KANSL3: variants seen among roughly 807,000 people sequenced by gnomAD.
KANSL3 encodes the protein KAT8 regulatory NSL complex subunit 3.
In KANSL3, 16 loss-of-function variants were observed where a neutral mutation model predicts 89.2. That is an observed-to-expected ratio of 0.18 (90% CI 0.12 to 0.27). KANSL3 has a LOEUF of 0.27. Ranked by LOEUF, KANSL3 falls within the 10% of genes least tolerant of loss-of-function variation. The pLI, the probability that KANSL3 is intolerant of heterozygous loss-of-function variation, is 1.00. For synonymous variants in KANSL3, 385 were observed against 419.7 expected, an observed-to-expected ratio of 0.92 and a Z score of 1.01; for missense variants, 879 against 1,110.6, an observed-to-expected ratio of 0.79 and a Z score of 2.96.
At chr2:96,599,947 A>C (rs2066947390) in intron 20 of KANSL3, among the ~76,000 whole-genome samples, 1 of 152,214 alleles carries the variant, frequency 6.6e-6, no homozygotes, top group South Asian at 2.1e-4. Flanking sequence ...TTAGAGGTAC[A>C]CATCCTCTAC....
chr2:96,611,866 A>G (rs889848017), intron 9 of KANSL3, among the ~76,000 whole-genome samples: 1 of 145,490 alleles, frequency 6.9e-6, no homozygotes, highest in Admixed American at 6.8e-5. Context: ...AGAGAAAAAA[A>G]GGGATCTTTT....
At chr2:96,612,782 C>T in intron 7 of KANSL3, 36 bp downstream of exon 7, 1 of 1,474,456 alleles carries the variant, frequency 6.8e-7, no homozygotes, top group Non-Finnish European at 9.3e-7. Flanking sequence ...ACTATATTCC[C>T]TGCCAGGAAG....
intron 17 of KANSL3, 21 bp from the exon 18 acceptor site, chr2:96,602,883 A>G (rs750744284): frequency 6.2e-7 from 1 of 1,608,890 alleles, no homozygotes; most frequent in South Asian, 1.1e-5. Context: ...ACATAGCAGG[A>G]ATCAGTAGAG....
the KANSL3 span, among the ~76,000 whole-genome samples, chr2:96,588,040 C>CT: frequency 6.6e-6 from 1 of 152,000 alleles, no homozygotes; most frequent in South Asian, 2.1e-4. Context: ...ATCTAATAGT[C>CT]ATGCCACTGG....
intron 7 of KANSL3, 57 bp from the exon 8 acceptor site, chr2:96,612,620 C>A: frequency 6.9e-7 from 1 of 1,458,432 alleles, no homozygotes; most frequent in South Asian, 1.2e-5. Flanking sequence ...TCTTTCAATT[C>A]TGTTTAACCT....
chr2:96,580,810 C>G, the KANSL3 span, among the ~76,000 whole-genome samples: 2 of 152,210 alleles, frequency 1.3e-5, no homozygotes, highest in Non-Finnish European at 2.9e-5. Flanking sequence ...ACAGTGGGCT[C>G]CACAGGAGGT....
chr2:96,603,226 G>A (rs1179147414), intron 17 of KANSL3: 3 of 179,254 alleles, frequency 1.7e-5, no homozygotes, highest in Non-Finnish European at 3.5e-5. Context: ...AATCAAAGCA[G>A]TAAGGAAGTA....
rs35960339 is a variant in KANSL3, at chr2:96,615,165, C to CAA, written c.664-1548_664-1547dup. 7.7e-3 allele frequency: 641 copies of CAA among 82,860 alleles called. 13 individuals carry two copies. Among genetic ancestry groups the CAA allele is most frequent in the Admixed American group, 9.7e-3 (66 of 6,800 alleles). The allele number at this position is 82,860 out of a possible 1,614,324, so 5.1% of individuals were successfully genotyped here. A position where few individuals can be genotyped will look rare whatever the true frequency, so the allele number is the denominator to read the frequency against. On this transcript the variant is annotated intron_variant, in intron 5 of 20. Coordinates refer to ENST00000431828, the MANE Select transcript of KANSL3 (RefSeq NM_001115016.3). ...CCTGGGAAACAGAGGGAGACTGTCTCAAAAAAAAAAAAAAAAAAAAAAAGA... is the reference window on the plus strand; with the variant it reads ...CCTGGGAAACAGAGGGAGACTGTCTCAAAAAAAAAAAAAAAAAAAAAAAAAGA...
At chr2:96,611,430 A>G (rs2068921785) in intron 9 of KANSL3, among the ~76,000 whole-genome samples, 1 of 152,216 alleles carries the variant, frequency 6.6e-6, no homozygotes, top group Admixed American at 6.5e-5. Context: ...CCCCTCAACT[A>G]GAGCCCTCCT....
chr2:96,622,369 G>C (rs1172554114), intron 3 of KANSL3, among the ~76,000 whole-genome samples: 1 of 150,566 alleles, frequency 6.6e-6, no homozygotes, highest in Non-Finnish European at 1.5e-5. Context: ...CTGTAGTGAG[G>C]TATGATCATG....
At chr2:96,604,701 T>G in intron 16 of KANSL3, 78 bp downstream of exon 16, 2 of 1,284,296 alleles carry the variant, frequency 1.6e-6, no homozygotes. Context: ...AATCCATCAT[T>G]TTCCAAAGCA....
At chr2:96,635,985 C>T (rs1341513934) in intron 2 of KANSL3, among the ~76,000 whole-genome samples, 3 of 143,222 alleles carry the variant, frequency 2.1e-5, no homozygotes, top group East Asian at 4.4e-4. Context: ...CAGAGCAAGA[C>T]TCCATCTCAA....
chr2:96,612,367 GA>G lies in KANSL3; in HGVS notation c.1015-15del. On this transcript the variant is annotated splice_polypyrimidine_tract_variant and intron_variant, in intron 8 of 20. Coordinates refer to ENST00000431828, the MANE Select transcript of KANSL3 (RefSeq NM_001115016.3). Reference sequence around the variant, plus strand: ...ATGGCTGTGAATCTTCATGGGAAGAGAAAGAAGACAGTAAGACAGGAGGCCA... The same window carrying G: ...ATGGCTGTGAATCTTCATGGGAAGAGAAGAAGACAGTAAGACAGGAGGCCA... 1 of 1,612,412 alleles carries G rather than the reference GA, an allele frequency of 6.2e-7. No homozygotes were observed. Among genetic ancestry groups the G allele is most frequent in the Admixed American group, 1.7e-5 (1 of 60,018 alleles).
chr2:96,590,036 T>C (rs2066261898), downstream of KANSL3, among the ~76,000 whole-genome samples: 1 of 151,268 alleles, frequency 6.6e-6, no homozygotes, highest in African/African-American at 2.4e-5. Context: ...GGTGGATGCC[T>C]GTAATCCCAG....
chr2:96,616,459 A>G (rs2070128228), intron 5 of KANSL3, among the ~76,000 whole-genome samples: 1 of 152,224 alleles, frequency 6.6e-6, no homozygotes, highest in Non-Finnish European at 1.5e-5. Context: ...TAAAAGGCTA[A>G]GGTCTATACC....
At chr2:96,613,985 A>T (rs980909812) in intron 5 of KANSL3, among the ~76,000 whole-genome samples, 2 of 152,240 alleles carry the variant, frequency 1.3e-5, no homozygotes, top group African/African-American at 2.4e-5. Flanking sequence ...TTAACTATGA[A>T]TAATAATAAA....
chr2:96,627,088 G>C (rs1209758905), intron 3 of KANSL3, among the ~76,000 whole-genome samples: 4 of 152,058 alleles, frequency 2.6e-5, no homozygotes, highest in African/African-American at 7.2e-5. Context: ...ATTTAAATCA[G>C]CCCACTGTCA....
intron 3 of KANSL3, among the ~76,000 whole-genome samples, chr2:96,627,194 G>C (rs1273158193): frequency 2.0e-5 from 3 of 151,944 alleles, no homozygotes; most frequent in Non-Finnish European, 4.4e-5. Flanking sequence ...GCCAGAGTCA[G>C]GGGCAGGGAA....
At chr2:96,606,942 C>T (rs541066373) in intron 14 of KANSL3, 15 of 1,228,914 alleles carry the variant, frequency 1.2e-5, no homozygotes, top group Middle Eastern at 2.2e-4. Context: ...ATGTAGTGGA[C>T]GAGCAGGCAA....
Sources: allele counts gnomAD v4.1 joint callset (sites outside exome capture counted in the v4.1 genomes callset), GRCh38; gene constraint gnomAD v4.1.1; transcripts MANE v1.5; gene names NCBI Gene and HGNC (gene_info 2026-07-23, HGNC 2026-07-21).